ADCY2: variants seen among roughly 807,000 people sequenced by gnomAD.
The protein encoded by ADCY2 is adenylate cyclase 2.
In ADCY2, 31 loss-of-function variants were observed where a neutral mutation model predicts 125.2. The ratio of observed to expected loss-of-function variants is 0.25; its 90% CI spans 0.19 to 0.33. ADCY2 has a LOEUF of 0.33. Among genes scored for constraint, ADCY2 ranks in the 10% least tolerant of loss-of-function variants. The pLI is 1.00. For missense variants in ADCY2, 904 were observed against 1,418.2 expected (o/e 0.64, Z 5.82); for synonymous variants, 512 against 548.4 (o/e 0.93, Z 0.93).
chr5:7,752,924 A>G (rs574870306), intron 15 of ADCY2, among the ~76,000 whole-genome samples: 1 of 130,500 alleles, frequency 7.7e-6, no homozygotes, highest in East Asian at 2.2e-4. Context: ...TCTGAGACAC[A>G]GTCTTGCTCT....
chr5:7,683,052 T>G (rs1740393435), intron 4 of ADCY2, among the ~76,000 whole-genome samples: 1 of 152,220 alleles, frequency 6.6e-6, no homozygotes, highest in African/African-American at 2.4e-5. Flanking sequence ...AACGACCACA[T>G]TCTCAGCCTT....
chr5:7,413,801 C>T (rs1433058389), intron 1 of ADCY2, among the ~76,000 whole-genome samples: 1 of 152,008 alleles, frequency 6.6e-6, no homozygotes, highest in Non-Finnish European at 1.5e-5. Flanking sequence ...TGGAGTTGAA[C>T]TTGTGTAGAA....
intron 9 of ADCY2, among the ~76,000 whole-genome samples, chr5:7,708,909 A>C (rs1455102849): frequency 2.0e-5 from 3 of 152,226 alleles, no homozygotes; most frequent in Non-Finnish European, 4.4e-5. Flanking sequence ...CACAACCATC[A>C]AGAAAAAGCT....
chr5:7,570,350 A>G (rs1561100849), intron 3 of ADCY2, among the ~76,000 whole-genome samples: 1 of 152,134 alleles, frequency 6.6e-6, no homozygotes, highest in African/African-American at 2.4e-5. Flanking sequence ...ACATCCTATA[A>G]TTTTGTTGTA....
intron 3 of ADCY2, among the ~76,000 whole-genome samples, chr5:7,535,577 T>C (rs1734787381): frequency 6.6e-6 from 1 of 152,172 alleles, no homozygotes; most frequent in African/African-American, 2.4e-5. Flanking sequence ...TCATGAAAAA[T>C]GACCACGCTT....
chr5:7,794,848 C>T (rs967621087), intron 20 of ADCY2: 1 of 152,028 alleles, frequency 6.6e-6, no homozygotes, highest in Non-Finnish European at 1.5e-5. Flanking sequence ...GATAACGGTG[C>T]CCATGCTGTT....
intron 2 of ADCY2, among the ~76,000 whole-genome samples, chr5:7,481,986 A>G (rs1742748791): frequency 6.6e-6 from 1 of 152,166 alleles, no homozygotes; most frequent in Non-Finnish European, 1.5e-5. Flanking sequence ...TGGTCCAATT[A>G]CTATAGGAAG....
At chr5:7,763,200 T>A (rs1579406497) in intron 16 of ADCY2, among the ~76,000 whole-genome samples, 1 of 152,076 alleles carries the variant, frequency 6.6e-6, no homozygotes, top group East Asian at 1.9e-4. Flanking sequence ...TTCACGCCAT[T>A]CTGCCTCTGC....
At position 7,767,915 on chromosome 5, in the gene ADCY2, C is replaced by T. The variant is rs189995972; in HGVS notation, c.2214+1109C>T. On this transcript the variant is annotated intron_variant, in intron 17 of 24. Coordinates refer to ENST00000338316, the MANE Select transcript of ADCY2 (RefSeq NM_020546.3). ...ATGTGGTGGCAGGTGCCTATAGTCC[C>T]AGCTACTTGGGAGACTGAGGCAGGA... is the stretch of plus-strand genomic sequence containing the variant. Among the ~76,000 whole-genome samples the T allele has an allele frequency of 6.5e-3, 990 of 152,208 alleles. 4 individuals carry two copies. The highest frequency in any genetic ancestry group is 0.01 in the Non-Finnish European group (689 of 68,016).
At chr5:7,710,453 A>G (rs1741404458) in intron 10 of ADCY2, among the ~76,000 whole-genome samples, 1 of 152,238 alleles carries the variant, frequency 6.6e-6, no homozygotes, top group African/African-American at 2.4e-5. Context: ...TGAGGAAGAT[A>G]AAATTTAGTG....
intron 2 of ADCY2, among the ~76,000 whole-genome samples, chr5:7,492,158 A>G (rs1031841794): frequency 6.6e-6 from 1 of 152,206 alleles, no homozygotes; most frequent in African/African-American, 2.4e-5. Context: ...AGGGGAACCT[A>G]GAAAGGGACC....
intron 4 of ADCY2, among the ~76,000 whole-genome samples, chr5:7,665,443 C>T: frequency 6.6e-6 from 1 of 152,178 alleles, no homozygotes; most frequent in East Asian, 1.9e-4. Flanking sequence ...ACCAGGCTCA[C>T]AGACACTGAG....
At chr5:7,463,620 A>T (rs1332830866) in intron 2 of ADCY2, among the ~76,000 whole-genome samples, 6 of 45,146 alleles carry the variant, frequency 1.3e-4, no homozygotes, top group East Asian at 1.6e-3. Context: ...GTGATAGATA[A>T]AAAAAAAAAA....
At chr5:7,699,081 A>ACTTTTTTTT (rs1740990512) in intron 7 of ADCY2, among the ~76,000 whole-genome samples, 1 of 37,964 alleles carries the variant, frequency 2.6e-5, no homozygotes, top group Non-Finnish European at 4.7e-5. Flanking sequence ...AACAGTAAGC[A>ACTTTTTTTT]TTTTTTTTTT....
At chr5:7,549,498 C>T (rs530187779) in intron 3 of ADCY2, among the ~76,000 whole-genome samples, 45 of 152,226 alleles carry the variant, frequency 3.0e-4, no homozygotes, top group Non-Finnish European at 5.1e-4. Flanking sequence ...CAGGACCATG[C>T]CTGAAGAAAA....
chr5:7,527,728 C>G (rs954586079), intron 3 of ADCY2, among the ~76,000 whole-genome samples: 1 of 152,146 alleles, frequency 6.6e-6, no homozygotes, highest in East Asian at 1.9e-4. Context: ...TTAGATTGCA[C>G]CTAATACAGC....
At chr5:7,675,920 G>A (rs766889969) in intron 4 of ADCY2, among the ~76,000 whole-genome samples, 1 of 152,206 alleles carries the variant, frequency 6.6e-6, no homozygotes, top group Non-Finnish European at 1.5e-5. Context: ...TAAGACTAGC[G>A]AGTGTATAGT....
Position 7,552,342 on chromosome 5 carries a change from C to G in ADCY2, c.570+31443C>G, listed in dbSNP as rs568764801. Among the ~76,000 whole-genome samples the G allele has an allele frequency of 2.0e-5, 3 of 152,316 alleles. No homozygotes were observed. In the South Asian group the frequency reaches 6.2e-4, roughly 32 times the overall value. ...GGGCCTGGGATTCTGAGTCTTTCAT[C>G]AGTGAGAAGCAGTATTTTGATGGTT... On this transcript the variant is annotated intron_variant, in intron 3 of 24. Transcript: ENST00000338316.
intron 3 of ADCY2, among the ~76,000 whole-genome samples, chr5:7,607,489 T>C (rs1279274440): frequency 6.6e-6 from 1 of 152,220 alleles, no homozygotes. Context: ...TGTGCATCTT[T>C]TGCAAGTGCC....
Sources: allele counts gnomAD v4.1 joint callset (sites outside exome capture counted in the v4.1 genomes callset), GRCh38; gene constraint gnomAD v4.1.1; transcripts MANE v1.5; gene names NCBI Gene and HGNC (gene_info 2026-07-23, HGNC 2026-07-21).